DLC1: variants seen among roughly 807,000 people sequenced by gnomAD.
DLC1 encodes DLC1 Rho GTPase activating protein, also known as rho GTPase-activating protein 7.
DLC1 carries 54 observed loss-of-function variants against 140.3 expected under a neutral mutation model. The ratio of observed to expected loss-of-function variants is 0.38; its 90% CI spans 0.31 to 0.48. The LOEUF is 0.48. DLC1 is among the 20% of genes least tolerant of loss of function. The probability of loss-of-function intolerance (pLI) is 0.96; values close to 1 mark genes in which losing one functional copy is unlikely to be tolerated. For synonymous variants in DLC1, 986 were observed against 728.1 expected (o/e 1.35, Z -5.70); for missense variants, 2,536 against 1,907.0 (o/e 1.33, Z -6.14).
intron 1 of DLC1, among the ~76,000 whole-genome samples, chr8:13,533,408 C>A (rs539006243): frequency 1.1e-4 from 17 of 152,162 alleles, no homozygotes; most frequent in African/African-American, 4.1e-4. Context: ...TGGTTTCAGG[C>A]AAAATAACTT....
intron 1 of DLC1, among the ~76,000 whole-genome samples, chr8:13,541,638 C>T (rs371228516): frequency 6.6e-6 from 1 of 152,178 alleles, no homozygotes. Context: ...CAAGCTCCGC[C>T]TCCCGGGTTC....
intron 4 of DLC1, among the ~76,000 whole-genome samples, chr8:13,322,249 G>T (rs1262728807): frequency 1.3e-5 from 2 of 152,036 alleles, no homozygotes. Context: ...GAATACCTTT[G>T]ATCATTTTAG....
intron 2 of DLC1, among the ~76,000 whole-genome samples, chr8:13,427,285 G>C (rs1481955531): frequency 2.0e-5 from 3 of 152,098 alleles, no homozygotes; most frequent in African/African-American, 7.2e-5. Flanking sequence ...GTCCAACTCG[G>C]CTCATGGGGC....
chr8:13,410,589 A>C (rs1837740295), intron 2 of DLC1, among the ~76,000 whole-genome samples: 2 of 152,154 alleles, frequency 1.3e-5, no homozygotes, highest in South Asian at 4.1e-4. Context: ...CTCATATCAC[A>C]GTGGCAAAAA....
chr8:13,508,353 TC>T (rs1460646920), intron 1 of DLC1, among the ~76,000 whole-genome samples: 1 of 152,210 alleles, frequency 6.6e-6, no homozygotes, highest in Non-Finnish European at 1.5e-5. Flanking sequence ...GATATTGGTT[TC>T]TAGGAGATCC....
At chr8:13,196,095 TACACACACAC>T (rs59429334) in intron 5 of DLC1, among the ~76,000 whole-genome samples, 59 of 147,144 alleles carry the variant, frequency 4.0e-4, no homozygotes, top group African/African-American at 1.3e-3. Context: ...TCTGTATTGA[TACACACACAC>T]ACACACACAC....
chr8:13,347,561 C>G (rs148694771), intron 4 of DLC1, among the ~76,000 whole-genome samples: 10 of 152,220 alleles, frequency 6.6e-5, no homozygotes, highest in African/African-American at 2.2e-4. Context: ...ATATTTAAGA[C>G]TTGAATTAGT....
intron 6 of DLC1, among the ~76,000 whole-genome samples, chr8:13,113,701 T>A (rs552966033): frequency 2.4e-4 from 36 of 152,280 alleles, no homozygotes; most frequent in African/African-American, 8.7e-4. Context: ...AGAATGCTGG[T>A]CCCCCTTTCC....
At chr8:13,156,678 C>T (rs1348416638) in intron 5 of DLC1, among the ~76,000 whole-genome samples, 1 of 152,116 alleles carries the variant, frequency 6.6e-6, no homozygotes, top group Non-Finnish European at 1.5e-5. Flanking sequence ...TATGAAAATT[C>T]CAAGTGTCCC....
chr8:13,454,351 T>C (rs759752602), intron 2 of DLC1, among the ~76,000 whole-genome samples: 8 of 152,204 alleles, frequency 5.3e-5, no homozygotes, highest in Non-Finnish European at 7.3e-5. Flanking sequence ...AAAAAGTTCC[T>C]GTCTTCCTAA....
chr8:13,115,556 A>G, intron 6 of DLC1, 30 bp downstream of exon 6: 1 of 1,602,504 alleles, frequency 6.2e-7, no homozygotes, highest in Non-Finnish European at 8.5e-7. Flanking sequence ...TGATTATGCC[A>G]ACTTTTAAAA....
At chr8:13,287,341 A>G (rs1831567826) in intron 5 of DLC1, among the ~76,000 whole-genome samples, 1 of 152,212 alleles carries the variant, frequency 6.6e-6, no homozygotes, top group African/African-American at 2.4e-5. Context: ...GAATCTAACG[A>G]TAAAAAAATC....
At chr8:13,134,992 G>T (rs1254858059) in intron 5 of DLC1, among the ~76,000 whole-genome samples, 1 of 152,088 alleles carries the variant, frequency 6.6e-6, no homozygotes, top group East Asian at 1.9e-4. Flanking sequence ...AAGCGGTGCT[G>T]TGAGGGCCCA....
At chr8:13,541,158 T>A (rs1803471573) in intron 1 of DLC1, among the ~76,000 whole-genome samples, 1 of 152,210 alleles carries the variant, frequency 6.6e-6, no homozygotes, top group South Asian at 2.1e-4. Context: ...TGCTGAGTAG[T>A]ATTCCACTGT....
rs111887100 is a variant in DLC1, at chr8:13,294,861, G to A, written c.1348+10408C>T. ...TCTCTGAGTCTCAGGTTCTTCAACT[G>A]TATAATGTAGATAACAATAGCACCT... On this transcript the variant is annotated intron_variant, in intron 5 of 17. Coordinates refer to ENST00000276297, the MANE Select transcript of DLC1 (RefSeq NM_182643.3). Among the ~76,000 whole-genome samples the A allele has an allele frequency of 3.9e-3, 601 of 152,282 alleles. 3 individuals carry two copies. The highest frequency in any genetic ancestry group is 0.014 in the African/African-American group (583 of 41,562).
At chr8:13,320,052 C>T (rs1833030523) in intron 4 of DLC1, among the ~76,000 whole-genome samples, 1 of 152,026 alleles carries the variant, frequency 6.6e-6, no homozygotes, top group Non-Finnish European at 1.5e-5. Flanking sequence ...ACCTCTTGAT[C>T]CGCCCGCCTT....
chr8:13,453,527 TGTATATATATACATATATATATATATATA>T (rs1799245614), intron 2 of DLC1, among the ~76,000 whole-genome samples: 1 of 55,500 alleles, frequency 1.8e-5, no homozygotes, highest in African/African-American at 9.4e-5. Flanking sequence ...TATATATATA[TGTATATATATACATATATATATATATATA>T]TTTTTTTTTT....
intron 5 of DLC1, chr8:13,276,173 G>C: frequency 1.3e-6 from 2 of 1,491,022 alleles, no homozygotes; most frequent in Non-Finnish European, 1.8e-6. Context: ...GATCATTCAT[G>C]AACCAAGCTT....
chr8:13,394,472 G>C (rs1056463768), intron 3 of DLC1, among the ~76,000 whole-genome samples: 2 of 149,974 alleles, frequency 1.3e-5, no homozygotes, highest in Non-Finnish European at 2.9e-5. Flanking sequence ...GAATTACCTG[G>C]TAACCTCTGC....
Sources: allele counts gnomAD v4.1 joint callset (sites outside exome capture counted in the v4.1 genomes callset), GRCh38; gene constraint gnomAD v4.1.1; transcripts MANE v1.5; gene names NCBI Gene and HGNC (gene_info 2026-07-23, HGNC 2026-07-21).